The following DHRSX variants were observed in gnomAD, a reference collection of about 807,000 sequenced individuals.
The protein encoded by DHRSX is dehydrogenase/reductase X-linked, also known as polyprenol dehydrogenase.
DHRSX carries 31 observed loss-of-function variants against 34.0 expected under a neutral mutation model. The ratio of observed to expected loss-of-function variants is 0.91; its 90% CI spans 0.69 to 1.23. The LOEUF is 1.23. DHRSX is among the 50% of genes most tolerant of loss of function. DHRSX has a pLI of 0.00. For synonymous variants in DHRSX, 201 were observed against 183.8 expected, an observed-to-expected ratio of 1.09 and a Z score of -0.76; for missense variants, 414 against 428.1, an observed-to-expected ratio of 0.97 and a Z score of 0.29.
chrX:2,379,118 A>C (rs972673282), intron 3 of DHRSX, among the ~76,000 whole-genome samples: 15 of 152,280 alleles, frequency 9.9e-5, no homozygotes, highest in African/African-American at 3.6e-4. Context: ...GCAAGCTATT[A>C]GTTAAGTTTT....
At chrX:2,453,757 TTAA>T (rs2124679077) in intron 1 of DHRSX, among the ~76,000 whole-genome samples, 1 of 148,788 alleles carries the variant, frequency 6.7e-6, no homozygotes, top group African/African-American at 2.4e-5. Flanking sequence ...GTGATGATAG[TTAA>T]TAATACATCG....
At chrX:2,265,823 C>A (rs1336193890) in intron 5 of DHRSX, among the ~76,000 whole-genome samples, 50 of 126,614 alleles carry the variant, frequency 3.9e-4, no homozygotes, top group East Asian at 1.0e-3. Context: ...GGAGCACTGT[C>A]CTCAGAGCAC....
At chrX:2,267,207 C>T (rs1181350910) in intron 4 of DHRSX, among the ~76,000 whole-genome samples, 2 of 152,166 alleles carry the variant, frequency 1.3e-5, no homozygotes, top group Admixed American at 6.5e-5. Flanking sequence ...ACAGGCCGGG[C>T]GCGGTGGCTC....
rs750733367 is a variant in DHRSX at position 2,268,616 on chromosome X, TTC to T, written c.389-1671_389-1670del. The stretch of plus-strand genomic sequence containing the variant: ...AAATGCCTATAAATTTGTGCATATT[TTC>T]TTTTACATATGTGTTGTATGCACAT... On this transcript the variant is annotated intron_variant, in intron 4 of 6. Coordinates refer to ENST00000334651, the MANE Select transcript of DHRSX (RefSeq NM_145177.3). Among the ~76,000 whole-genome samples, 662 of 152,334 alleles carry T rather than the reference TTC, an allele frequency of 4.3e-3. 3 individuals are homozygous for T. The highest frequency in any genetic ancestry group is 0.014 in the South Asian group (67 of 4,830).
chrX:2,259,325 G>T lies in DHRSX; in HGVS notation c.596+7415C>A, dbSNP rs996663359. 1.7e-4 allele frequency among the ~76,000 whole-genome samples: 24 copies of T among 144,768 alleles called. 1 individual carries two copies. The highest frequency in any genetic ancestry group is 1.4e-3 in the Admixed American group (20 of 14,312). The allele number at this position is 144,768 out of a possible 152,430, so 95.0% of individuals were successfully genotyped here. On this transcript the variant is annotated intron_variant, in intron 5 of 6. Coordinates refer to ENST00000334651, the MANE Select transcript of DHRSX (RefSeq NM_145177.3). ...AGATATAGATATAGATATATAGATAGATATAGATATATATAGATATAGATA... is the reference window on the plus strand; with the variant it reads ...AGATATAGATATAGATATATAGATATATATAGATATATATAGATATAGATA...
At chrX:2,262,992 G>C (rs1309862304) in intron 5 of DHRSX, among the ~76,000 whole-genome samples, 1 of 152,242 alleles carries the variant, frequency 6.6e-6, no homozygotes, top group African/African-American at 2.4e-5. Context: ...TGTGCCCCTG[G>C]GCTCACCCTC....
intron 5 of DHRSX, among the ~76,000 whole-genome samples, chrX:2,264,599 G>C (rs1299706780): frequency 6.8e-6 from 1 of 146,970 alleles, no homozygotes. Context: ...AGGGAGCACT[G>C]TTCCCAGAGG....
intron 1 of DHRSX, chrX:2,488,515 A>T: frequency 1.6e-6 from 2 of 1,264,914 alleles, no homozygotes; most frequent in Non-Finnish European, 2.1e-6. Context: ...TCCACCTTCT[A>T]GGTGTCAAAG....
intron 3 of DHRSX, among the ~76,000 whole-genome samples, chrX:2,300,835 C>T (rs1231475218): frequency 2.0e-5 from 3 of 152,146 alleles, no homozygotes; most frequent in Non-Finnish European, 4.4e-5. Context: ...CAGGGTGCAT[C>T]CCTCACCCCC....
At chrX:2,286,382 C>T (rs2041805373) in intron 4 of DHRSX, among the ~76,000 whole-genome samples, 1 of 152,210 alleles carries the variant, frequency 6.6e-6, no homozygotes, top group South Asian at 2.1e-4. Context: ...GCCTCCAGCA[C>T]ACAGGCTGGT....
At chrX:2,433,261 A>C (rs1440537200) in intron 1 of DHRSX, among the ~76,000 whole-genome samples, 1 of 152,188 alleles carries the variant, frequency 6.6e-6, no homozygotes, top group Non-Finnish European at 1.5e-5. Context: ...CTCCAGAAAA[A>C]CCCCAAACAT....
In DHRSX at chrX:2,397,930, G is replaced by GCGCA. The variant is rs1556505705; in HGVS notation, c.286+10814_286+10815insTGCG. Among the ~76,000 whole-genome samples the GCGCA allele has an allele frequency of 7.1e-4, 98 of 138,530 alleles. 2 individuals carry two copies. The highest frequency in any genetic ancestry group is 2.1e-3 in the East Asian group (9 of 4,364). 90.9% of individuals were successfully genotyped at this position (138,530 alleles called of 152,430 possible). A position where few individuals can be genotyped will look rare whatever the true frequency, so the allele number is the denominator to read the frequency against. On this transcript the variant is annotated intron_variant, in intron 3 of 6. Coordinates refer to ENST00000334651, the MANE Select transcript of DHRSX (RefSeq NM_145177.3). ...AAAAGTGCCAATATCCTCAGAGCGC[G>GCGCA]CACACACACACACACACACACACAT...
At chrX:2,348,207 G>T (rs1372050504) in intron 3 of DHRSX, among the ~76,000 whole-genome samples, 1 of 152,174 alleles carries the variant, frequency 6.6e-6, no homozygotes, top group Non-Finnish European at 1.5e-5. Context: ...CTTCTCTGCA[G>T]GAAGAGGAGA....
intron 3 of DHRSX, among the ~76,000 whole-genome samples, chrX:2,346,920 A>T (rs971765712): frequency 4.0e-5 from 6 of 151,704 alleles, no homozygotes; most frequent in African/African-American, 1.2e-4. Flanking sequence ...TGTCCTTGTG[A>T]TAGTTTGCTG....
intron 3 of DHRSX, among the ~76,000 whole-genome samples, chrX:2,324,380 G>A (rs927530517): frequency 1.3e-5 from 2 of 152,230 alleles, no homozygotes; most frequent in Non-Finnish European, 2.9e-5. Context: ...CAGTTTAATT[G>A]CATACACACC....
intron 3 of DHRSX, among the ~76,000 whole-genome samples, chrX:2,307,913 G>A (rs1401347201): frequency 6.6e-6 from 1 of 152,094 alleles, no homozygotes; most frequent in East Asian, 1.9e-4. Context: ...GAGCTCAGTG[G>A]CTGCGTTCAC....
intron 3 of DHRSX, among the ~76,000 whole-genome samples, chrX:2,372,397 C>G (rs2043083062): frequency 2.0e-5 from 3 of 152,054 alleles, no homozygotes; most frequent in Non-Finnish European, 4.4e-5. Flanking sequence ...GTGTGTCTAT[C>G]ACACGAACCG....
intron 5 of DHRSX, among the ~76,000 whole-genome samples, chrX:2,256,931 T>C (rs774268159): frequency 6.6e-6 from 1 of 152,322 alleles, no homozygotes; most frequent in East Asian, 1.9e-4. Flanking sequence ...GGTCTGAGAA[T>C]GGGAGCATCT....
At chrX:2,248,959 A>G (rs2016368644) in intron 5 of DHRSX, among the ~76,000 whole-genome samples, 1 of 152,110 alleles carries the variant, frequency 6.6e-6, no homozygotes, top group Admixed American at 6.6e-5. Flanking sequence ...CCATCGAGTA[A>G]ACTTTGTATG....
Sources: gnomAD v4.1 joint callset for allele counts (sites outside exome capture counted in the v4.1 genomes callset) on GRCh38, gnomAD v4.1.1 for gene constraint, MANE v1.5 for transcripts, NCBI Gene and HGNC (gene_info 2026-07-23, HGNC 2026-07-21) for gene names.